Variants in MTA3 observed in about 807,000 individuals in gnomAD.
The protein encoded by MTA3 is metastasis-associated protein MTA3.
MTA3 carries 34 observed loss-of-function variants against 83.5 expected under a neutral mutation model. The observed-to-expected ratio is 0.41, with a 90% CI of 0.31 to 0.54. The LOEUF is 0.54. Ranked by LOEUF, MTA3 falls within the 20% of genes least tolerant of loss-of-function variation. The pLI, the probability that MTA3 is intolerant of heterozygous loss-of-function variation, is 0.33. For missense variants in MTA3, 761 were observed against 726.4 expected, an observed-to-expected ratio of 1.05 and a Z score of -0.55; for synonymous variants, 303 against 252.7, an observed-to-expected ratio of 1.20 and a Z score of -1.89.
At chr2:42,527,978 A>T (rs2103712445) in intron 2 of MTA3, among the ~76,000 whole-genome samples, 1 of 152,222 alleles carries the variant, frequency 6.6e-6, no homozygotes, top group Admixed American at 6.5e-5. Context: ...CTGGACCAGT[A>T]CAGTGGTGCA....
chr2:42,684,778 T>G (rs1558580184), intron 9 of MTA3, among the ~76,000 whole-genome samples: 1 of 152,212 alleles, frequency 6.6e-6, no homozygotes. Context: ...CTGGTGGTAT[T>G]TACTGAGTAC....
At chr2:42,570,388 C>G (rs769793345) in intron 1 of MTA3, 49 bp from the exon 2 acceptor site, 4 of 1,213,176 alleles carry the variant, frequency 3.3e-6, no homozygotes, top group Non-Finnish European at 4.6e-6. Context: ...ATTGACAAAT[C>G]TGAACTTTCT....
intron 3 of MTA3, among the ~76,000 whole-genome samples, chr2:42,605,164 G>A (rs1683103015): frequency 6.8e-6 from 1 of 146,592 alleles, no homozygotes; most frequent in Non-Finnish European, 1.5e-5. Flanking sequence ...GGGCGGCCGG[G>A]CAGAGGCGCC....
At chr2:42,713,889 C>G (rs886983335) in intron 14 of MTA3, among the ~76,000 whole-genome samples, 1 of 152,124 alleles carries the variant, frequency 6.6e-6, no homozygotes, top group African/African-American at 2.4e-5. Context: ...ATGCAGATAT[C>G]ATTTCATACT....
At chr2:42,584,855 T>G (rs1385092596) in intron 3 of MTA3, among the ~76,000 whole-genome samples, 2 of 151,912 alleles carry the variant, frequency 1.3e-5, no homozygotes, top group African/African-American at 2.4e-5. Flanking sequence ...CACTCCACCC[T>G]GGGTGACAAA....
Position 42,718,962 on chromosome 2 carries a change from ATCTCCATGTTTCTTTC to A in MTA3, c.1526-20_1526-5del. ...GCTAGAGAAATCCATTTCATTGGTT[ATCTCCATGTTTCTTTC>A]TCTCCTCAGATGCAGACAGACATGC... On this transcript the variant is annotated splice_polypyrimidine_tract_variant and intron_variant, in intron 14 of 16. Coordinates refer to ENST00000405094, the MANE Select transcript of MTA3 (RefSeq NM_001330442.2). The A allele has an allele frequency of 6.7e-7, 1 of 1,500,880 alleles. No individual in the cohort carries two copies. The highest frequency in any genetic ancestry group is 9.1e-7 in the Non-Finnish European group (1 of 1,101,898). 93.0% of individuals were successfully genotyped at this position (1,500,880 alleles called of 1,614,324 possible). A position where few individuals can be genotyped will look rare whatever the true frequency, so the allele number is the denominator to read the frequency against.
Position 42,550,995 on chromosome 2 carries a change from A to T in MTA3, c.-140-19442A>T, listed in dbSNP as rs144061196. 2.8e-3 allele frequency among the ~76,000 whole-genome samples: 423 copies of T among 151,824 alleles called. 4 individuals are homozygous for T. The highest frequency in any genetic ancestry group is 9.9e-3 in the African/African-American group (410 of 41,460). On this transcript the variant is annotated intron_variant, in intron 2 of 17. Transcript: ENST00000405592. ...GAATCCAGGAGGGGAGGTTGCAGTG[A>T]GCAGAGATCGCACCATTGCACGCCA...
rs1352907085 is a variant in MTA3, at chr2:42,753,417, C to G, written c.*18C>G. ...CAGACTGAGCTTTCCCTGATTCATT[C>G]TACAATCCAAGACTTGCTGCACTGT... On this transcript the variant is annotated 3_prime_UTR_variant, in exon 17 of 17. Transcript: ENST00000405094. 1 of 1,550,596 alleles carries G rather than the reference C, an allele frequency of 6.4e-7. No individual in the cohort carries two copies. The highest frequency in any genetic ancestry group is 8.7e-7 in the Non-Finnish European group (1 of 1,146,974).
chr2:42,562,210 T>C (rs916669546), intron 2 of MTA3, among the ~76,000 whole-genome samples: 3 of 152,238 alleles, frequency 2.0e-5, no homozygotes, highest in Non-Finnish European at 4.4e-5. Flanking sequence ...TAATCTCATC[T>C]TGAGATCTTC....
intron 9 of MTA3, among the ~76,000 whole-genome samples, chr2:42,685,253 A>G (rs1411692374): frequency 6.6e-6 from 1 of 152,236 alleles, no homozygotes; most frequent in Non-Finnish European, 1.5e-5. Flanking sequence ...TTTGTGGTCT[A>G]ACAAAATTAC....
intron 3 of MTA3, among the ~76,000 whole-genome samples, chr2:42,607,500 C>G (rs1012830018): frequency 6.6e-6 from 1 of 152,126 alleles, no homozygotes; most frequent in Non-Finnish European, 1.5e-5. Flanking sequence ...CTACATCAGT[C>G]TCTGAGTAGC....
chr2:42,517,670 G>T (rs922714265), intron 2 of MTA3, among the ~76,000 whole-genome samples: 1 of 151,690 alleles, frequency 6.6e-6, no homozygotes. Context: ...CTGAGGTCAA[G>T]AGTTCGAGAC....
chr2:42,546,515 A>G (rs1185440457), intron 2 of MTA3, among the ~76,000 whole-genome samples: 2 of 152,080 alleles, frequency 1.3e-5, no homozygotes, highest in Non-Finnish European at 2.9e-5. Flanking sequence ...TAATCAAACC[A>G]AAAAGAACTG....
intron 4 of MTA3, among the ~76,000 whole-genome samples, chr2:42,637,007 T>C (rs532660784): frequency 8.5e-5 from 13 of 152,144 alleles, no homozygotes; most frequent in Non-Finnish European, 1.5e-4. Flanking sequence ...CGTTTTTCAG[T>C]CTGTAGGATT....
intron 3 of MTA3, among the ~76,000 whole-genome samples, chr2:42,583,773 C>G (rs568887002): frequency 6.6e-6 from 1 of 152,036 alleles, no homozygotes; most frequent in East Asian, 1.9e-4. Flanking sequence ...TCAAGTGATC[C>G]TCTTGCCTTG....
chr2:42,700,764 A>T (rs58431866), intron 11 of MTA3, among the ~76,000 whole-genome samples: 1 of 152,210 alleles, frequency 6.6e-6, no homozygotes, highest in Non-Finnish European at 1.5e-5. Context: ...GTATAGTGTC[A>T]GCTGAAAACC....
intron 2 of MTA3, among the ~76,000 whole-genome samples, chr2:42,535,621 C>T (rs1676192202): frequency 6.6e-6 from 1 of 152,184 alleles, no homozygotes; most frequent in African/African-American, 2.4e-5. Context: ...GTATATCTAG[C>T]TTCTAGAGAG....
Position 42,665,494 on chromosome 2 carries a change from ATTAG to A in MTA3, c.702+5638_702+5641del, listed in dbSNP as rs1474360232. ...TTCCTTAGAACCAAGGAAATCCTGC[ATTAG>A]TTAGTAAGTGGCAGTGAGTTAGTTG... is the stretch of plus-strand genomic sequence containing the variant. On this transcript the variant is annotated intron_variant, in intron 8 of 16. Transcript: ENST00000405094. 5.3e-5 allele frequency among the ~76,000 whole-genome samples: 8 copies of A among 152,354 alleles called. No homozygotes were observed. The East Asian group carries it at 1.3e-3, about 26-fold the overall frequency.
intron 2 of MTA3, among the ~76,000 whole-genome samples, chr2:42,546,540 C>T (rs145758309): frequency 6.6e-6 from 1 of 152,116 alleles, no homozygotes; most frequent in African/African-American, 2.4e-5. Flanking sequence ...AAATTACTTG[C>T]AGTTTCCTAT....
Sources: allele counts gnomAD v4.1 joint callset (sites outside exome capture counted in the v4.1 genomes callset), GRCh38; gene constraint gnomAD v4.1.1; transcripts MANE v1.5; gene names NCBI Gene and HGNC (gene_info 2026-07-23, HGNC 2026-07-21).